The following TMTC1 variants were observed in gnomAD, a reference collection of about 807,000 sequenced individuals.
TMTC1 encodes protein O-mannosyl-transferase TMTC1.
Under a neutral mutation model 104.8 loss-of-function variants are expected in TMTC1, and 73 were observed. That is an observed-to-expected ratio of 0.70 (90% confidence interval 0.58 to 0.85). TMTC1 has a LOEUF of 0.85. TMTC1 is among the 40% of genes least tolerant of loss of function. TMTC1 has a pLI of 0.00. For synonymous variants in TMTC1, 434 were observed against 428.7 expected (o/e 1.01, Z -0.15); for missense variants, 1,035 against 1,096.1 (o/e 0.94, Z 0.79).
intron 5 of TMTC1, among the ~76,000 whole-genome samples, chr12:29,700,142 G>A (rs1941543864): frequency 6.6e-6 from 1 of 151,750 alleles, no homozygotes; most frequent in African/African-American, 2.4e-5. Context: ...TTAAACTCCT[G>A]CACTCAAGGG....
intron 7 of TMTC1, among the ~76,000 whole-genome samples, chr12:29,603,375 T>C (rs780272367): frequency 3.3e-5 from 5 of 152,052 alleles, no homozygotes; most frequent in South Asian, 2.1e-4. Context: ...TTCATACTTA[T>C]AGAAGAAGAA....
In TMTC1 at chr12:29,534,548, G is replaced by A. The variant is rs866794452; in HGVS notation, c.1785+1661C>T. The A allele has an allele frequency of 5.9e-5, 9 of 152,116 alleles. 1 individual carries two copies. In the South Asian group the frequency reaches 8.3e-4, roughly 14 times the overall value. The allele number at this position is 152,116 out of a possible 1,614,324, so 9.4% of individuals were successfully genotyped here. On this transcript the variant is annotated intron_variant, in intron 11 of 17. Coordinates refer to ENST00000539277, the MANE Select transcript of TMTC1 (RefSeq NM_001193451.2). Reference sequence around the variant, plus strand: ...CAATTTGCCACTGCAGTTCACAAAAGATTAAATTTATCAAGTAATCAATTT... The same window carrying A: ...CAATTTGCCACTGCAGTTCACAAAAAATTAAATTTATCAAGTAATCAATTT...
At chr12:29,737,361 A>C (rs1352648724) in intron 5 of TMTC1, among the ~76,000 whole-genome samples, 1 of 152,188 alleles carries the variant, frequency 6.6e-6, no homozygotes, top group Admixed American at 6.5e-5. Flanking sequence ...TCTACTAAAA[A>C]TACGAAATTA....
At chr12:29,667,170 T>C (rs1209710995) in intron 5 of TMTC1, among the ~76,000 whole-genome samples, 2 of 152,212 alleles carry the variant, frequency 1.3e-5, no homozygotes, top group Non-Finnish European at 2.9e-5. Context: ...CTCTCTTTAA[T>C]GTACTTTCCT....
chr12:29,625,598 T>C (rs1023075877), intron 6 of TMTC1, among the ~76,000 whole-genome samples: 1 of 152,160 alleles, frequency 6.6e-6, no homozygotes, highest in Non-Finnish European at 1.5e-5. Context: ...TTCTGCTAAG[T>C]TTTTAGGATG....
chr12:29,556,381 T>C (rs867385154), intron 10 of TMTC1, among the ~76,000 whole-genome samples: 3 of 152,354 alleles, frequency 2.0e-5, no homozygotes, highest in South Asian at 4.1e-4. Flanking sequence ...CATTTGTCTA[T>C]ACCTTCAGAG....
chr12:29,636,674 C>T (rs931750734), intron 5 of TMTC1, among the ~76,000 whole-genome samples: 6 of 151,586 alleles, frequency 4.0e-5, no homozygotes, highest in Admixed American at 6.6e-5. Context: ...AAAAATTAGC[C>T]GGGTGTGGTG....
chr12:29,668,919 T>C lies in TMTC1; in HGVS notation c.939-35583A>G, dbSNP rs183197296. Among the ~76,000 whole-genome samples the C allele has an allele frequency of 1.3e-4, 20 of 152,362 alleles. No homozygotes were observed. In the East Asian group the frequency reaches 3.7e-3, roughly 28 times the overall value. ...GCACGCTTTTAAAAGTTAACGCATG[T>C]AGTGATTGCTGCAGGTTGAAACACA... is the stretch of plus-strand genomic sequence containing the variant. On this transcript the variant is annotated intron_variant, in intron 5 of 17. Coordinates refer to ENST00000539277, the MANE Select transcript of TMTC1 (RefSeq NM_001193451.2).
Position 29,758,745 on chromosome 12 carries a change from T to C in TMTC1, c.513A>G (p.Leu171=). 6.2e-7 allele frequency: 1 copy of C among 1,613,200 alleles called. No homozygotes were observed. The highest frequency in any genetic ancestry group is 1.7e-5 in the Admixed American group (1 of 59,816). ...AGGCCAATAGAAACAGCAGACACGCTAACACGTCCGCTCTGCCAACGATCC... is the reference window on the plus strand; with the variant it reads ...AGGCCAATAGAAACAGCAGACACGCCAACACGTCCGCTCTGCCAACGATCC... ...VAGIVGRADV[L]ACLLFLLAFL... is the part of the protein sequence containing the mutation. The change falls in exon 3 of 18, where the codon TTA becomes TTG. Residue 171 remains leucine (L), a synonymous_variant. Coordinates refer to ENST00000539277, the MANE Select transcript of TMTC1 (RefSeq NM_001193451.2).
chr12:29,747,116 T>C (rs537299345), intron 5 of TMTC1, among the ~76,000 whole-genome samples: 1 of 152,276 alleles, frequency 6.6e-6, no homozygotes, highest in African/African-American at 2.4e-5. Context: ...CAATCAAGTA[T>C]ATATGAAGAA....
chr12:29,732,585 A>G (rs1246443091), intron 5 of TMTC1, among the ~76,000 whole-genome samples: 1 of 152,218 alleles, frequency 6.6e-6, no homozygotes, highest in East Asian at 1.9e-4. Context: ...ACAAAATGTT[A>G]ATAACAGCAC....
chr12:29,783,685 C>A lies in TMTC1; in HGVS notation c.67G>T (p.Gly23Trp), dbSNP rs1254271369. The A allele has an allele frequency of 7.8e-7, 1 of 1,278,020 alleles. No homozygotes were observed. The highest frequency in any genetic ancestry group is 2.9e-5 in the South Asian group (1 of 34,516). The allele number at this position is 1,278,020 out of a possible 1,614,324, so 79.2% of individuals were successfully genotyped here. ...DRTPSRRRGC[G>W]LAPAGAAALL... ...GCCGCGGCCCCGGCCGGCGCTAGCCCGCAGCCCCGCCGCCGGGAGGGTGTG... is the reference window on the plus strand; with the variant it reads ...GCCGCGGCCCCGGCCGGCGCTAGCCAGCAGCCCCGCCGCCGGGAGGGTGTG... The change falls in exon 1 of 18, where the codon GGG (glycine) becomes TGG (tryptophan). Residue 23 changes from glycine to tryptophan, a missense_variant. By Grantham distance (184) the Gly-to-Trp change is radical (BLOSUM62 -2). Transcript: ENST00000539277. This position sits in a 1 kb window ranked among gnomAD's most constrained non-coding sequence, Gnocchi z 4.7.
At chr12:29,519,914 T>G (rs141070755) in intron 12 of TMTC1, 270 of 152,356 alleles carry the variant, frequency 1.8e-3, no homozygotes, top group African/African-American at 6.3e-3. Flanking sequence ...TTTAAGCATT[T>G]CATATTGAAA....
intron 7 of TMTC1, among the ~76,000 whole-genome samples, chr12:29,584,636 C>G (rs1271872713): frequency 6.6e-6 from 1 of 151,996 alleles, no homozygotes; most frequent in Non-Finnish European, 1.5e-5. Context: ...GTTCCCCTTC[C>G]TGTGTCCATG....
chr12:29,694,606 T>A (rs997142589), intron 5 of TMTC1, among the ~76,000 whole-genome samples: 1 of 152,180 alleles, frequency 6.6e-6, no homozygotes, highest in Non-Finnish European at 1.5e-5. Context: ...AAGTTTCTTG[T>A]GGCTGCTGTA....
Position 29,502,511 on chromosome 12 carries a change from C to A in TMTC1, c.*4335G>T, listed in dbSNP as rs955719388. ...ATACTGGCACTTAGTCTGGTACATG[C>A]AAATTTCAAGGCAATTCCTCTCCAT... On this transcript the variant is annotated 3_prime_UTR_variant, in exon 18 of 18. Coordinates refer to ENST00000539277, the MANE Select transcript of TMTC1 (RefSeq NM_001193451.2). 6.6e-6 allele frequency: 1 copy of A among 152,066 alleles called. No homozygotes were observed. Among genetic ancestry groups the A allele is most frequent in the African/African-American group, 2.4e-5 (1 of 41,394 alleles). 9.4% of individuals were successfully genotyped at this position (152,066 alleles called of 1,614,324 possible).
Position 29,525,782 on chromosome 12 carries a change from C to T in TMTC1, c.1786-5062G>A, listed in dbSNP as rs186311189. On this transcript the variant is annotated intron_variant, in intron 11 of 17. Transcript: ENST00000539277. ...TGGATCTGATTATCCACTGTATCCA[C>T]TGTAATACTTTTGAATAAGACAATC... is the stretch of plus-strand genomic sequence containing the variant. Among the ~76,000 whole-genome samples the T allele has an allele frequency of 3.9e-3, 590 of 152,336 alleles. 2 individuals carry two copies. The highest frequency in any genetic ancestry group is 0.014 in the Middle Eastern group (4 of 294).
In TMTC1 at chr12:29,604,348, T is replaced by C. The variant is rs1468154282; in HGVS notation, c.1129-49A>G. The C allele has an allele frequency of 5.0e-6, 8 of 1,609,942 alleles. No homozygotes were observed. The Admixed American group carries it at 5.0e-5, about 10-fold the overall frequency. ...AACATTAACTTCTGTTGAATTCCACTTCAGGCAGCATTTAACCATCTCCTT... is the reference window on the plus strand; with the variant it reads ...AACATTAACTTCTGTTGAATTCCACCTCAGGCAGCATTTAACCATCTCCTT... On this transcript the variant is annotated intron_variant, in intron 6 of 17. Transcript: ENST00000539277.
intron 5 of TMTC1, among the ~76,000 whole-genome samples, chr12:29,735,237 CT>C (rs1242944851): frequency 6.6e-6 from 1 of 152,198 alleles, no homozygotes; most frequent in Non-Finnish European, 1.5e-5. Context: ...TCAAAACAAG[CT>C]TTCTGCTTGC....
Sources: allele counts gnomAD v4.1 joint callset (sites outside exome capture counted in the v4.1 genomes callset), GRCh38; gene constraint gnomAD v4.1.1; non-coding constraint Gnocchi (gnomAD v3.1); transcripts MANE v1.5; gene names NCBI Gene and HGNC (gene_info 2026-07-23, HGNC 2026-07-21).